Variants in EFCAB11 observed in about 807,000 individuals in gnomAD.
EFCAB11 encodes the protein EF-hand calcium-binding domain-containing protein 11.
In EFCAB11, 14 loss-of-function variants were observed where a neutral mutation model predicts 23.0. The observed-to-expected ratio is 0.61, with a 90% CI of 0.40 to 0.95. EFCAB11 has a LOEUF of 0.95. Ranked by LOEUF, EFCAB11 falls within the 40% of genes least tolerant of loss-of-function variation. EFCAB11 has a pLI of 0.00. For synonymous variants in EFCAB11, 65 were observed against 66.6 expected (o/e 0.98, Z 0.11); for missense variants, 198 against 195.8 (o/e 1.01, Z -0.07).
intron 5 of EFCAB11, among the ~76,000 whole-genome samples, chr14:89,804,894 A>G (rs1885917867): frequency 6.6e-6 from 1 of 152,196 alleles, no homozygotes; most frequent in Non-Finnish European, 1.5e-5. Context: ...TCTTATTAAT[A>G]ATATTTAGTC....
chr14:89,930,833 A>C (rs1196665721), intron 5 of EFCAB11, among the ~76,000 whole-genome samples: 16 of 152,186 alleles, frequency 1.1e-4, no homozygotes, highest in Admixed American at 1.0e-3. Flanking sequence ...CTGAACGCTA[A>C]TGAATACACC....
intron 5 of EFCAB11, among the ~76,000 whole-genome samples, chr14:89,880,054 T>C (rs1286941): frequency 0.87 from 132,961 of 152,224 alleles, 58,252 homozygotes; most frequent in Non-Finnish European, 0.9. Flanking sequence ...TTATTCTAAA[T>C]GTTGTGAGTA....
At chr14:89,885,881 T>C (rs1399529998) in intron 5 of EFCAB11, among the ~76,000 whole-genome samples, 1 of 132,362 alleles carries the variant, frequency 7.6e-6, no homozygotes, top group Admixed American at 7.2e-5. Flanking sequence ...CTTGTTTTTT[T>C]CTTTTTTTTT....
At chr14:89,854,869 A>G (rs932575287) in intron 5 of EFCAB11, among the ~76,000 whole-genome samples, 2 of 152,020 alleles carry the variant, frequency 1.3e-5, no homozygotes, top group African/African-American at 4.8e-5. Flanking sequence ...TTCCACCACT[A>G]CTTTAGCTTA....
intron 5 of EFCAB11, among the ~76,000 whole-genome samples, chr14:89,929,061 T>TATA (rs1890298898): frequency 6.9e-6 from 1 of 145,534 alleles, no homozygotes; most frequent in Non-Finnish European, 1.5e-5. Flanking sequence ...ACACATATTT[T>TATA]TTTTTAGGAG....
At chr14:89,906,172 AAAATAAATAAAT>A (rs59351985) in intron 5 of EFCAB11, among the ~76,000 whole-genome samples, 1,527 of 145,124 alleles carry the variant, frequency 0.011, 13 homozygotes, top group African/African-American at 0.025. Flanking sequence ...TTAGAGCACT[AAAATAAATAAAT>A]AAATAAATAA....
chr14:89,922,821 G>C (rs1890063182), intron 5 of EFCAB11, among the ~76,000 whole-genome samples: 1 of 152,096 alleles, frequency 6.6e-6, no homozygotes, highest in South Asian at 2.1e-4. Flanking sequence ...GAAGAAGAAA[G>C]ATATTTATGA....
intron 5 of EFCAB11, among the ~76,000 whole-genome samples, chr14:89,864,612 G>GT (rs774728326): frequency 2.6e-5 from 4 of 151,802 alleles, no homozygotes; most frequent in African/African-American, 7.3e-5. Flanking sequence ...TTTGTTTTTT[G>GT]TTTTTTTGTA....
chr14:89,810,335 TC>T (rs1260379237), intron 5 of EFCAB11, among the ~76,000 whole-genome samples: 1 of 152,234 alleles, frequency 6.6e-6, no homozygotes, highest in Non-Finnish European at 1.5e-5. Context: ...AACATTTGGA[TC>T]CTGCTATTTA....
At chr14:89,927,335 T>G (rs1444683266) in intron 5 of EFCAB11, among the ~76,000 whole-genome samples, 1 of 152,200 alleles carries the variant, frequency 6.6e-6, no homozygotes, top group Non-Finnish European at 1.5e-5. Flanking sequence ...CTATAAAAAC[T>G]TATTCAGTCA....
chr14:89,819,084 T>C (rs1054417540), intron 5 of EFCAB11, among the ~76,000 whole-genome samples: 3 of 152,204 alleles, frequency 2.0e-5, no homozygotes, highest in Admixed American at 6.5e-5. Context: ...TGTTCACAGC[T>C]GCTTTATTTG....
At chr14:89,839,651 A>T (rs1008874868) in intron 5 of EFCAB11, among the ~76,000 whole-genome samples, 3 of 152,170 alleles carry the variant, frequency 2.0e-5, no homozygotes, top group African/African-American at 7.2e-5. Flanking sequence ...TGATTTATAA[A>T]GAAAATAGGT....
At position 89,903,972 on chromosome 14, in the gene EFCAB11, T is replaced by C. The variant is rs113854706; in HGVS notation, c.410+27569A>G. ...CCTCTAGAGAACCCTAACACAAACA[T>C]ATCTGTTTTTTTAATTATTATTATA... On this transcript the variant is annotated intron_variant, in intron 5 of 5. Transcript: ENST00000316738. Among the ~76,000 whole-genome samples, 343 of 151,624 alleles carry C rather than the reference T, an allele frequency of 2.3e-3. 1 individual carries two copies. The highest frequency in any genetic ancestry group is 8.0e-3 in the African/African-American group (326 of 40,986).
Position 89,885,686 on chromosome 14 carries a change from AGAGAGAAAG to A in EFCAB11, c.410+45846_410+45854del, listed in dbSNP as rs1159645050. On this transcript the variant is annotated intron_variant, in intron 5 of 5. Transcript: ENST00000316738. The stretch of plus-strand genomic sequence containing the variant: ...AGCAAGACTCTGTTGAAAAAAAAAA[AGAGAGAAAG>A]AGAGAGAAAGAGAGAAAGAAAGAGA... Among the ~76,000 whole-genome samples the A allele has an allele frequency of 7.6e-4, 113 of 148,010 alleles. No individual in the cohort carries two copies. In the Middle Eastern group the frequency reaches 0.01, roughly 14 times the overall value.
chr14:89,953,474 C>A (rs138843796), intron 2 of EFCAB11, among the ~76,000 whole-genome samples: 3 of 152,256 alleles, frequency 2.0e-5, no homozygotes, highest in Admixed American at 6.5e-5. Flanking sequence ...CTCTGGTAGG[C>A]GGCGAGCGGA....
rs376114834 is a variant in EFCAB11 at position 89,950,170 on chromosome 14, A to G, written c.172-28T>C. The G allele has an allele frequency of 9.9e-5, 153 of 1,539,900 alleles. 1 individual carries two copies. Among genetic ancestry groups the G allele is most frequent in the Non-Finnish European group, 1.2e-4 (138 of 1,130,402 alleles). On this transcript the variant is annotated intron_variant, in intron 2 of 5. Coordinates refer to ENST00000316738, the MANE Select transcript of EFCAB11 (RefSeq NM_145231.4). ...AGAAAAGAGGAAAAAATAATAGAAC[A>G]TGTAATTTTATCACGTTTTCACAGT...
chr14:89,891,078 G>C (rs1006545360), intron 5 of EFCAB11, among the ~76,000 whole-genome samples: 24 of 152,150 alleles, frequency 1.6e-4, no homozygotes, highest in Non-Finnish European at 3.4e-4. Flanking sequence ...TTCCATCTGT[G>C]GATTTGTTTT....
At chr14:89,858,173 G>A (rs1356095491) in intron 5 of EFCAB11, among the ~76,000 whole-genome samples, 2 of 152,318 alleles carry the variant, frequency 1.3e-5, no homozygotes, top group East Asian at 1.9e-4. Flanking sequence ...CTCTTGCCAT[G>A]TGGTGAAGAC....
At chr14:89,883,258 A>G (rs1888656166) in intron 5 of EFCAB11, among the ~76,000 whole-genome samples, 1 of 152,230 alleles carries the variant, frequency 6.6e-6, no homozygotes, top group African/African-American at 2.4e-5. Flanking sequence ...GAATAAAAGA[A>G]ATTGATATTA....
Sources: gnomAD v4.1 joint callset for allele counts (sites outside exome capture counted in the v4.1 genomes callset) on GRCh38, gnomAD v4.1.1 for gene constraint, MANE v1.5 for transcripts, NCBI Gene and HGNC (gene_info 2026-07-23, HGNC 2026-07-21) for gene names.